The following UGT2B4 variants were observed in gnomAD, a reference collection of about 807,000 sequenced individuals.
The protein encoded by UGT2B4 is UDP glucuronosyltransferase family 2 member B4, also known as UDP-glucuronosyltransferase 2B4.
UGT2B4 carries 49 observed loss-of-function variants against 49.8 expected under a neutral mutation model. That is an observed-to-expected ratio of 0.98 (90% CI 0.78 to 1.25). UGT2B4 has a LOEUF of 1.25. Ranked by LOEUF, UGT2B4 falls within the 50% of genes most tolerant of loss-of-function variation. The probability of loss-of-function intolerance (pLI) is 0.00; values close to 1 mark genes in which losing one functional copy is unlikely to be tolerated. For missense variants in UGT2B4, 729 were observed against 627.7 expected (o/e 1.16, Z -1.73); for synonymous variants, 246 against 217.7 (o/e 1.13, Z -1.14).
chr4:69,500,521 AAAGAAAGAAAG>A (rs1431034367), upstream of UGT2B4, among the ~76,000 whole-genome samples: 6 of 151,122 alleles, frequency 4.0e-5, no homozygotes, highest in African/African-American at 9.7e-5. Context: ...GGAAGGAAAG[AAAGAAAGAAAG>A]AAGAAAGAAA....
chr4:69,480,821 A>G lies in UGT2B4; in HGVS notation c.1400T>C (p.Val467Ala). 6.2e-7 allele frequency: 1 copy of G among 1,613,940 alleles called. No individual in the cohort carries two copies. The change falls in exon 6 of 6, where the codon GTC becomes GCC. Residue 467 changes from valine (V) to alanine (A), a missense_variant. By Grantham distance (64) the Val-to-Ala change is moderately conservative. Coordinates refer to ENST00000305107, the MANE Select transcript of UGT2B4 (RefSeq NM_021139.3). ...LDRAVFWIEF[V>A]MRHKGAKHLR... ...GTGCTTGGCTCCTTTATGGCGCATG[A>G]CAAATTCAATCCAGAAGACTGCTCG...
At chr4:69,518,195 G>T (rs2018160) in intron 1 of UGT2B4, 89,078 of 153,830 alleles carry the variant, frequency 0.58, 26,841 homozygotes, top group East Asian at 0.74. Flanking sequence ...AATGCAGAAG[G>T]CTTCCCATAG....
chr4:69,514,395 G>A (rs915117044), intron 1 of UGT2B4, among the ~76,000 whole-genome samples: 3 of 152,070 alleles, frequency 2.0e-5, no homozygotes, highest in African/African-American at 7.2e-5. Flanking sequence ...ATAGATACCG[G>A]ATTATGTCAT....
At chr4:69,510,400 AT>A (rs1728575934) in intron 1 of UGT2B4, among the ~76,000 whole-genome samples, 1 of 152,172 alleles carries the variant, frequency 6.6e-6, no homozygotes, top group African/African-American at 2.4e-5. Context: ...TTTATAAAAA[AT>A]GTCATGGGTC....
chr4:69,480,819 T>C lies in UGT2B4; in HGVS notation c.1402A>G (p.Met468Val), dbSNP rs1220828012. Reference protein sequence around the residue: ...DRAVFWIEFVMRHKGAKHLRV... With the variant: ...DRAVFWIEFVVRHKGAKHLRV... ...AGGTGCTTGGCTCCTTTATGGCGCATGACAAATTCAATCCAGAAGACTGCT... is the reference window on the plus strand; with the variant it reads ...AGGTGCTTGGCTCCTTTATGGCGCACGACAAATTCAATCCAGAAGACTGCT... The change falls in exon 6 of 6, where the codon ATG becomes GTG. Residue 468 changes from methionine to valine, a missense_variant. By Grantham distance (21) the Met-to-Val change is conservative (BLOSUM62 1). Coordinates refer to ENST00000305107, the MANE Select transcript of UGT2B4 (RefSeq NM_021139.3). The C allele has an allele frequency of 1.2e-6, 2 of 1,613,868 alleles. No homozygotes were observed. The highest frequency in any genetic ancestry group is 1.7e-6 in the Non-Finnish European group (2 of 1,179,826).
intron 1 of UGT2B4, among the ~76,000 whole-genome samples, chr4:69,510,146 A>C (rs1209279902): frequency 6.6e-6 from 1 of 152,164 alleles, no homozygotes; most frequent in Non-Finnish European, 1.5e-5. Context: ...TTCTTGTTGA[A>C]GATCAGTTGA....
At chr4:69,497,403 A>G (rs1168683636), upstream of UGT2B4, among the ~76,000 whole-genome samples, 2 of 152,222 alleles carry the variant, frequency 1.3e-5, no homozygotes, top group South Asian at 2.1e-4. Flanking sequence ...GCCTCCAACT[A>G]TCTTCCTTCT....
chr4:69,499,605 A>C (rs1258846225), upstream of UGT2B4, among the ~76,000 whole-genome samples: 1 of 152,136 alleles, frequency 6.6e-6, no homozygotes, highest in African/African-American at 2.4e-5. Flanking sequence ...TGAACCCTTT[A>C]CCATTATGTA....
chr4:69,519,834 G>T (rs10020023), intron 1 of UGT2B4, among the ~76,000 whole-genome samples: 53,441 of 152,038 alleles, frequency 0.35, 9,477 homozygotes, highest in Non-Finnish European at 0.37. Flanking sequence ...TCCTCTGCCC[G>T]TTCAATATTA....
chr4:69,509,392 A>G (rs985006309), intron 1 of UGT2B4, among the ~76,000 whole-genome samples: 3 of 151,814 alleles, frequency 2.0e-5, no homozygotes, highest in East Asian at 1.9e-4. Context: ...TCTATTTTTA[A>G]TTTCTTAAGA....
upstream of UGT2B4, among the ~76,000 whole-genome samples, chr4:69,499,994 C>T (rs1364525264): frequency 1.3e-5 from 2 of 152,106 alleles, no homozygotes; most frequent in African/African-American, 4.8e-5. Flanking sequence ...TAGAATCAAC[C>T]CAAATGCCCA....
At chr4:69,520,857 C>G (rs1308876218) in intron 1 of UGT2B4, among the ~76,000 whole-genome samples, 1 of 152,120 alleles carries the variant, frequency 6.6e-6, no homozygotes. Flanking sequence ...GAGGCAGATC[C>G]CTGATGAAGC....
rs1200236548 is a variant in UGT2B4 at position 69,495,831 on chromosome 4, G to T, written c.31C>A (p.Leu11Met). The T allele has an allele frequency of 3.1e-6, 5 of 1,603,978 alleles. No homozygotes were observed. The highest frequency in any genetic ancestry group is 4.2e-6 in the Non-Finnish European group (5 of 1,176,926). Residue 11 changes from leucine (L) to methionine (M), a missense_variant, in exon 1 of 6, where the codon CTG (leucine) becomes ATG (methionine). Physicochemically the swap from Leu to Met is conservative, Grantham distance 15. Transcript: ENST00000305107. MSMKWTSALL[L>M]IQLSCYFSSG... is the part of the protein sequence containing the mutation. ...CTAAAGTAACAGCTCAGCTGTATCA[G>T]CAGAAGAGCTGAAGTCCATTTCATA...
chr4:69,518,216 A>G, intron 1 of UGT2B4: 1 of 154,136 alleles, frequency 6.5e-6, no homozygotes, highest in Non-Finnish European at 1.4e-5. Flanking sequence ...TCAATGAAAA[A>G]GCCTGTGTGT....
upstream of UGT2B4, among the ~76,000 whole-genome samples, chr4:69,498,951 G>A (rs1447425820): frequency 5.3e-5 from 8 of 151,980 alleles, no homozygotes; most frequent in Admixed American, 5.2e-4. Context: ...TTTTAGTTGC[G>A]ATATATGTGT....
intron 1 of UGT2B4, among the ~76,000 whole-genome samples, chr4:69,512,416 A>C (rs900176683): frequency 6.6e-6 from 1 of 151,648 alleles, no homozygotes; most frequent in Non-Finnish European, 1.5e-5. Flanking sequence ...CTTATTCGAC[A>C]GTGTGTTGTT....
At chr4:69,523,123 T>C (rs1282984563) in intron 1 of UGT2B4, among the ~76,000 whole-genome samples, 1 of 152,184 alleles carries the variant, frequency 6.6e-6, no homozygotes, top group Non-Finnish European at 1.5e-5. Context: ...AAGTCATTCA[T>C]AGGAATTGTA....
chr4:69,512,934 G>T (rs1728644743), intron 1 of UGT2B4, among the ~76,000 whole-genome samples: 1 of 151,856 alleles, frequency 6.6e-6, no homozygotes, highest in South Asian at 2.1e-4. Flanking sequence ...GGGGTTGTTT[G>T]TTTTTCTCTT....
At chr4:69,501,672 A>T (rs1167043664) in intron 1 of UGT2B4, among the ~76,000 whole-genome samples, 1 of 152,036 alleles carries the variant, frequency 6.6e-6, no homozygotes, top group African/African-American at 2.4e-5. Context: ...TCCTTAGCTG[A>T]CAGAGTTTTC....
Sources: allele counts gnomAD v4.1 joint callset (sites outside exome capture counted in the v4.1 genomes callset), GRCh38; gene constraint gnomAD v4.1.1; transcripts MANE v1.5; gene names NCBI Gene and HGNC (gene_info 2026-07-23, HGNC 2026-07-21).